Variants in RET observed in about 807,000 individuals in gnomAD.
The protein encoded by RET is ret proto-oncogene, also known as proto-oncogene tyrosine-protein kinase receptor Ret.
Under a neutral mutation model 118.3 loss-of-function variants are expected in RET, and 19 were observed. The observed-to-expected ratio is 0.16, with a 90% CI of 0.11 to 0.24. The LOEUF (loss-of-function observed/expected upper bound fraction) is 0.24, where lower values mean the gene tolerates loss of function less well. Ranked by LOEUF, RET falls within the 10% of genes least tolerant of loss-of-function variation. The pLI, the probability that RET is intolerant of heterozygous loss-of-function variation, is 1.00. For synonymous variants in RET, 597 were observed against 644.1 expected (o/e 0.93, Z 1.11); for missense variants, 1,219 against 1,502.1 (o/e 0.81, Z 3.12).
chr10:43,122,194 C>T (rs558584657), intron 16 of RET, among the ~76,000 whole-genome samples, 178 bp downstream of exon 16: 2 of 152,264 alleles, frequency 1.3e-5, no homozygotes, highest in East Asian at 1.9e-4. Context: ...ATGATGTGTT[C>T]GTGAGGCAAA....
intron 3 of RET, among the ~76,000 whole-genome samples, chr10:43,103,513 A>G (rs1837688788): frequency 6.6e-6 from 1 of 152,158 alleles, no homozygotes; most frequent in African/African-American, 2.4e-5. Context: ...GGGAGGCCCC[A>G]TTTGACCATC....
intron 1 of RET, among the ~76,000 whole-genome samples, chr10:43,099,289 C>T (rs1028055913): frequency 5.3e-5 from 8 of 152,072 alleles, no homozygotes; most frequent in African/African-American, 1.7e-4. Flanking sequence ...GCGGGCGGAT[C>T]GCCGGAGGTT....
intron 19 of RET, chr10:43,127,429 G>A: frequency 9.5e-7 from 1 of 1,056,964 alleles, no homozygotes; most frequent in Non-Finnish European, 1.1e-6. Flanking sequence ...CTGTGGTGCT[G>A]TGGTCTTACA....
chr10:43,102,958 G>A, intron 3 of RET: 1 of 434,014 alleles, frequency 2.3e-6, no homozygotes, highest in East Asian at 4.7e-5. Flanking sequence ...AAACGCTGAA[G>A]AGGAGGGGAA....
intron 1 of RET, among the ~76,000 whole-genome samples, chr10:43,094,712 G>C (rs72781226): frequency 6.6e-6 from 1 of 152,234 alleles, no homozygotes; most frequent in Non-Finnish European, 1.5e-5. Context: ...CTTAGTATGT[G>C]TGCACCGAGG....
At chr10:43,089,741 G>A (rs547064659) in intron 1 of RET, among the ~76,000 whole-genome samples, 15 of 152,358 alleles carry the variant, frequency 9.8e-5, no homozygotes, top group South Asian at 2.1e-4. Context: ...CTAACAGGCC[G>A]GCCATCGGGG....
chr10:43,104,846 C>G (rs896394059), intron 3 of RET, 106 bp from the exon 4 acceptor site: 12 of 1,489,938 alleles, frequency 8.1e-6, no homozygotes, highest in Non-Finnish European at 1.1e-5. Flanking sequence ...CCTGGGGCCG[C>G]GGCGGTGTGC....
chr10:43,112,040 C>A (rs764107977), intron 7 of RET, 59 bp from the exon 8 acceptor site: 1 of 1,557,680 alleles, frequency 6.4e-7, no homozygotes, highest in Non-Finnish European at 8.7e-7. Context: ...TCCTTGGGCA[C>A]TAGCTGGACG....
At chr10:43,079,144 T>C (rs2435365) in intron 1 of RET, among the ~76,000 whole-genome samples, 57,082 of 152,028 alleles carry the variant, frequency 0.38, 10,861 homozygotes, top group Admixed American at 0.42. Flanking sequence ...AGGCACAGAC[T>C]GGGTCTCTAG....
Position 43,102,667 on chromosome 10 carries a change from G to C in RET, c.625+38G>C, listed in dbSNP as rs761617457. ...CTTGTGGGGCCGCCCCACAGTGCCT[G>C]CTACTGCTGGTCTTGCTCTGCGAGC... On this transcript the variant is annotated intron_variant, in intron 3 of 19. Coordinates refer to ENST00000355710, the MANE Select transcript of RET (RefSeq NM_020975.6). 1.2e-6 allele frequency: 2 copies of C among 1,612,058 alleles called. No homozygotes were observed. The highest frequency in any genetic ancestry group is 3.3e-5 in the Admixed American group (2 of 60,004).
intron 4 of RET, 101 bp downstream of exon 4, chr10:43,105,294 C>T: frequency 6.5e-7 from 1 of 1,530,602 alleles, no homozygotes; most frequent in East Asian, 2.3e-5. Context: ...ACCGTGTGGC[C>T]GACCATTCGC....
At chr10:43,091,659 CA>C (rs373087930) in intron 1 of RET, among the ~76,000 whole-genome samples, 1 of 145,152 alleles carries the variant, frequency 6.9e-6, no homozygotes, top group Non-Finnish European at 1.5e-5. Flanking sequence ...ACAACAACAA[CA>C]AAAAAAATGA....
intron 1 of RET, among the ~76,000 whole-genome samples, chr10:43,077,851 T>G (rs1837085131): frequency 1.3e-5 from 2 of 152,360 alleles, no homozygotes; most frequent in Admixed American, 1.3e-4. Context: ...GAGGCTCTTT[T>G]GAAAAGATTG....
At chr10:43,077,971 C>T (rs72781212) in intron 1 of RET, among the ~76,000 whole-genome samples, 5,017 of 152,348 alleles carry the variant, frequency 0.033, 123 homozygotes, top group Non-Finnish European at 0.05. Context: ...CCCGGCAGCC[C>T]TGGAGTCGTG....
chr10:43,086,520 C>T lies in RET; in HGVS notation c.73+9189C>T, dbSNP rs73266197. ...AAAGCCAGTGGTGATGCCCTGGCCC[C>T]GTTGCCCCAGGCCAGGGCCAGTGAA... On this transcript the variant is annotated intron_variant, in intron 1 of 19. Coordinates refer to ENST00000355710, the MANE Select transcript of RET (RefSeq NM_020975.6). Among the ~76,000 whole-genome samples the T allele has an allele frequency of 3.8e-3, 574 of 152,280 alleles. 5 individuals are homozygous for T. Among genetic ancestry groups the T allele is most frequent in the African/African-American group, 0.013 (551 of 41,538 alleles).
intron 1 of RET, among the ~76,000 whole-genome samples, chr10:43,086,084 G>A (rs1264644701): frequency 3.9e-5 from 6 of 152,130 alleles, no homozygotes; most frequent in Admixed American, 1.3e-4. Flanking sequence ...ACGGTGCCTC[G>A]GCTTCTCTGC....
chr10:43,128,369 C>A lies in RET; in HGVS notation c.*100C>A, dbSNP rs989798683. ...TTTGTGAACGTCACATTGGCCGAGC[C>A]GTGTTCAGTTCCCAGGTGGCAGACT... On this transcript the variant is annotated 3_prime_UTR_variant, in exon 20 of 20. Transcript: ENST00000355710. The A allele has an allele frequency of 7.1e-7, 1 of 1,407,790 alleles. No homozygotes were observed. Among genetic ancestry groups the A allele is most frequent in the African/African-American group, 1.4e-5 (1 of 70,888 alleles). 87.2% of individuals were successfully genotyped at this position (1,407,790 alleles called of 1,614,324 possible). A position where few individuals can be genotyped will look rare whatever the true frequency, so the allele number is the denominator to read the frequency against.
At chr10:43,089,950 T>C (rs1486242570) in intron 1 of RET, among the ~76,000 whole-genome samples, 3 of 152,066 alleles carry the variant, frequency 2.0e-5, no homozygotes, top group African/African-American at 7.2e-5. Flanking sequence ...TTCAGGACAG[T>C]GGGCAGGACT....
At chr10:43,083,164 G>A (rs1356346680) in intron 1 of RET, among the ~76,000 whole-genome samples, 1 of 152,182 alleles carries the variant, frequency 6.6e-6, no homozygotes, top group Admixed American at 6.5e-5. Context: ...CATCGTAAGG[G>A]GCCAGCCTGG....
Sources: gnomAD v4.1 joint callset for allele counts (sites outside exome capture counted in the v4.1 genomes callset) on GRCh38, gnomAD v4.1.1 for gene constraint, MANE v1.5 for transcripts, NCBI Gene and HGNC (gene_info 2026-07-23, HGNC 2026-07-21) for gene names.